The following IGF1R variants were observed in gnomAD, a reference collection of about 807,000 sequenced individuals.
IGF1R encodes insulin-like growth factor 1 receptor.
A neutral mutation model predicts 144.6 loss-of-function variants in IGF1R; 44 were observed. The observed-to-expected ratio is 0.30, with a 90% CI of 0.24 to 0.39. The LOEUF is 0.39. Ranked by LOEUF, IGF1R falls within the 10% of genes least tolerant of loss-of-function variation. IGF1R has a pLI of 1.00. For synonymous variants in IGF1R, 795 were observed against 722.8 expected, an observed-to-expected ratio of 1.10 and a Z score of -1.60; for missense variants, 1,355 against 1,833.7, an observed-to-expected ratio of 0.74 and a Z score of 4.77.
At chr15:98,915,034 C>T (rs1432958963) in intron 8 of IGF1R, among the ~76,000 whole-genome samples, 1 of 152,206 alleles carries the variant, frequency 6.6e-6, no homozygotes, top group Non-Finnish European at 1.5e-5. Context: ...GCTGTCCGCC[C>T]TTTTCAAGTT....
At chr15:98,955,386 G>A (rs562487052) in intron 20 of IGF1R, among the ~76,000 whole-genome samples, 8 of 152,214 alleles carry the variant, frequency 5.3e-5, no homozygotes, top group South Asian at 4.1e-4. Context: ...TTTAAAGGGC[G>A]ACGTGGTAAA....
chr15:98,729,088 G>C (rs1219220171), intron 2 of IGF1R, among the ~76,000 whole-genome samples: 3 of 152,244 alleles, frequency 2.0e-5, no homozygotes, highest in Non-Finnish European at 4.4e-5. Context: ...AGGACTCACT[G>C]TTAAAGGATT....
intron 2 of IGF1R, among the ~76,000 whole-genome samples, chr15:98,801,871 C>T (rs1186042417): frequency 2.6e-5 from 4 of 152,204 alleles, no homozygotes; most frequent in Non-Finnish European, 5.9e-5. Context: ...TGAAACACTG[C>T]AAGCCAATGG....
intron 1 of IGF1R, among the ~76,000 whole-genome samples, chr15:98,650,370 G>T (rs372518208): frequency 2.0e-5 from 3 of 152,200 alleles, no homozygotes; most frequent in African/African-American, 7.2e-5. Context: ...CCCGGGGCTG[G>T]GCGGTGGGGT....
At chr15:98,948,797 C>G in intron 20 of IGF1R, 89 bp downstream of exon 20, 1 of 1,463,240 alleles carries the variant, frequency 6.8e-7, no homozygotes, top group Admixed American at 1.7e-5. Flanking sequence ...GAGATTAAAG[C>G]CATTCTCTCT....
At chr15:98,904,886 T>G (rs1303141837) in intron 5 of IGF1R, among the ~76,000 whole-genome samples, 1 of 152,188 alleles carries the variant, frequency 6.6e-6, no homozygotes, top group Non-Finnish European at 1.5e-5. Flanking sequence ...ACTTTCACAC[T>G]TCAGAGAATA....
chr15:98,787,103 G>A (rs957622673), intron 2 of IGF1R, among the ~76,000 whole-genome samples: 7 of 152,158 alleles, frequency 4.6e-5, no homozygotes, highest in African/African-American at 1.7e-4. Context: ...CTCCTTCGGG[G>A]CTGGGACTCG....
intron 2 of IGF1R, among the ~76,000 whole-genome samples, chr15:98,774,437 C>G (rs1179960691): frequency 6.6e-6 from 1 of 152,140 alleles, no homozygotes; most frequent in African/African-American, 2.4e-5. Context: ...ATGGAAAATG[C>G]AGGGTTTGAC....
intron 6 of IGF1R, 24 bp from the exon 7 acceptor site, chr15:98,911,291 T>G (rs1436567642): frequency 6.2e-6 from 10 of 1,614,032 alleles, no homozygotes; most frequent in Non-Finnish European, 8.5e-6. Flanking sequence ...TCTCTGTCAC[T>G]CACGGATGTA....
intron 2 of IGF1R, among the ~76,000 whole-genome samples, chr15:98,883,973 A>G (rs568586004): frequency 3.9e-5 from 6 of 152,228 alleles, no homozygotes; most frequent in East Asian, 3.8e-4. Flanking sequence ...GAGGCTCCAG[A>G]TAATTCCACA....
intron 20 of IGF1R, 119 bp from the exon 21 acceptor site, chr15:98,956,942 T>TG (rs1301787915): frequency 8.9e-7 from 1 of 1,126,984 alleles, no homozygotes; most frequent in African/African-American, 1.5e-5. Flanking sequence ...GCAGCAGGGC[T>TG]GTGTTCAGTG....
At chr15:98,702,965 C>T (rs1288455040) in intron 1 of IGF1R, among the ~76,000 whole-genome samples, 1 of 151,984 alleles carries the variant, frequency 6.6e-6, no homozygotes, top group Non-Finnish European at 1.5e-5. Context: ...AATAAAATGA[C>T]ATCTTTGGAG....
At chr15:98,654,921 G>GC (rs1293209179) in intron 1 of IGF1R, among the ~76,000 whole-genome samples, 1 of 152,186 alleles carries the variant, frequency 6.6e-6, no homozygotes, top group Non-Finnish European at 1.5e-5. Flanking sequence ...CATCAGCTTA[G>GC]CAAGAGGAGG....
chr15:98,735,044 A>G (rs1246411682), intron 2 of IGF1R, among the ~76,000 whole-genome samples: 4 of 152,092 alleles, frequency 2.6e-5, no homozygotes, highest in Non-Finnish European at 5.9e-5. Flanking sequence ...TCCTAATGGC[A>G]GTGCTGATTA....
chr15:98,862,621 A>G (rs1279624420), intron 2 of IGF1R, among the ~76,000 whole-genome samples: 1 of 152,184 alleles, frequency 6.6e-6, no homozygotes, highest in East Asian at 1.9e-4. Flanking sequence ...GGCTTTTAGT[A>G]ACTCTGGTTC....
chr15:98,701,656 T>C (rs1202446111), intron 1 of IGF1R, among the ~76,000 whole-genome samples: 2 of 152,148 alleles, frequency 1.3e-5, no homozygotes, highest in Non-Finnish European at 2.9e-5. Context: ...CCCATATTTT[T>C]AAAGAAGAGT....
intron 2 of IGF1R, among the ~76,000 whole-genome samples, chr15:98,861,531 C>G (rs1346749193): frequency 6.6e-6 from 1 of 152,328 alleles, no homozygotes; most frequent in Admixed American, 6.5e-5. Context: ...CTACTACATA[C>G]TTCCTAGTTG....
intron 2 of IGF1R, among the ~76,000 whole-genome samples, chr15:98,884,817 G>T (rs2013560577): frequency 6.6e-6 from 1 of 151,874 alleles, no homozygotes; most frequent in Admixed American, 6.6e-5. Context: ...ATGCACATCT[G>T]ATCATGTGCC....
chr15:98,957,289 C>G lies in IGF1R; in HGVS notation c.3951C>G (p.Pro1317=). The G allele has an allele frequency of 6.2e-7, 1 of 1,613,832 alleles. No individual in the cohort carries two copies. The highest frequency in any genetic ancestry group is 1.3e-5 in the African/African-American group (1 of 75,074). Reference sequence around the variant, plus strand: ...CCTCCTCGTCCTCCCTGCCACTGCCCGACAGACACTCAGGACACAAGGCCG... The same window carrying G: ...CCTCCTCGTCCTCCCTGCCACTGCCGGACAGACACTCAGGACACAAGGCCG... ...PSASSSSLPL[P]DRHSGHKAEN... The change falls in exon 21 of 21, where the codon CCC becomes CCG. Residue 1317 remains proline, a synonymous_variant. Transcript: ENST00000650285.
Sources: gnomAD v4.1 joint callset for allele counts (sites outside exome capture counted in the v4.1 genomes callset) on GRCh38, gnomAD v4.1.1 for gene constraint, MANE v1.5 for transcripts, NCBI Gene and HGNC (gene_info 2026-07-23, HGNC 2026-07-21) for gene names.